Variants in LPAR3 observed in about 807,000 individuals in gnomAD.
LPAR3 encodes LPA receptor 3.
LPAR3 carries 7 observed loss-of-function variants against 17.8 expected under a neutral mutation model. The observed-to-expected ratio is 0.39, with a 90% CI of 0.22 to 0.74. LPAR3 has a LOEUF of 0.74. LPAR3 is among the 30% of genes least tolerant of loss of function. The pLI, the probability that LPAR3 is intolerant of heterozygous loss-of-function variation, is 0.40. For missense variants in LPAR3, 391 were observed against 453.4 expected (o/e 0.86, Z 1.25); for synonymous variants, 179 against 179.9 (o/e 0.99, Z 0.04).
At chr1:84,865,266 T>TCC (rs1660017454) in intron 2 of LPAR3, 119 bp downstream of exon 2, 1 of 1,138,414 alleles carries the variant, frequency 8.8e-7, no homozygotes, top group Non-Finnish European at 1.2e-6. Flanking sequence ...GCGATTTATG[T>TCC]CCGTTCTTGT....
chr1:84,862,099 G>T (rs907463409), intron 2 of LPAR3, among the ~76,000 whole-genome samples: 1 of 152,152 alleles, frequency 6.6e-6, no homozygotes, highest in Non-Finnish European at 1.5e-5. Context: ...AAGCAGGCGG[G>T]TAATTTCTCA....
chr1:84,832,931 T>C (rs1403784117), intron 2 of LPAR3, among the ~76,000 whole-genome samples: 4 of 152,218 alleles, frequency 2.6e-5, no homozygotes, highest in African/African-American at 9.6e-5. Context: ...ATTTTAGTAG[T>C]CAAATGAGAT....
chr1:84,877,666 C>T (rs1000682992), intron 1 of LPAR3, among the ~76,000 whole-genome samples: 1 of 152,170 alleles, frequency 6.6e-6, no homozygotes, highest in African/African-American at 2.4e-5. Context: ...ATACATGTTA[C>T]ATTGATGCTC....
At chr1:84,881,630 A>G (rs1234881727) in intron 1 of LPAR3, among the ~76,000 whole-genome samples, 2 of 152,184 alleles carry the variant, frequency 1.3e-5, no homozygotes, top group Non-Finnish European at 2.9e-5. Context: ...ACTACAGTCC[A>G]AGAAAGAATG....
At chr1:84,832,625 T>C (rs76217634) in intron 2 of LPAR3, among the ~76,000 whole-genome samples, 13 of 152,234 alleles carry the variant, frequency 8.5e-5, no homozygotes, top group African/African-American at 3.1e-4. Context: ...TGGCCAAATA[T>C]GTAACATATA....
At chr1:84,853,011 T>A (rs1659749102) in intron 2 of LPAR3, among the ~76,000 whole-genome samples, 2 of 151,576 alleles carry the variant, frequency 1.3e-5, no homozygotes, top group South Asian at 4.2e-4. Flanking sequence ...ATCCCAGTAC[T>A]TTGGGAGACT....
chr1:84,866,159 G>C (rs1236119572), intron 1 of LPAR3, 21 bp from the exon 2 acceptor site: 1 of 1,511,456 alleles, frequency 6.6e-7, no homozygotes, highest in Non-Finnish European at 8.9e-7. Flanking sequence ...ATTTAAAGAA[G>C]AAACAAATAT....
At chr1:84,816,811 G>C (rs1417734071) in intron 2 of LPAR3, among the ~76,000 whole-genome samples, 1 of 151,946 alleles carries the variant, frequency 6.6e-6, no homozygotes, top group African/African-American at 2.4e-5. Flanking sequence ...AAAGTAAAAA[G>C]CAAAAAAATA....
At chr1:84,851,189 A>C (rs4907008) in intron 2 of LPAR3, among the ~76,000 whole-genome samples, 79,299 of 152,098 alleles carry the variant, frequency 0.52, 20,764 homozygotes, top group South Asian at 0.54. Flanking sequence ...CTTTTTTCTC[A>C]ATAGAGTTGT....
At chr1:84,866,276 T>C (rs186711048) in intron 1 of LPAR3, 138 bp from the exon 2 acceptor site, 3 of 651,770 alleles carry the variant, frequency 4.6e-6, no homozygotes, top group Non-Finnish European at 8.1e-6. Flanking sequence ...TCAGTGCAAA[T>C]GTCCTTTGGT....
At chr1:84,887,553 GGGGAAACAAA>G (rs1279973485) in intron 1 of LPAR3, among the ~76,000 whole-genome samples, 1 of 152,084 alleles carries the variant, frequency 6.6e-6, no homozygotes, top group Non-Finnish European at 1.5e-5. Context: ...AAACACCTTT[GGGGAAACAAA>G]GGGAAACGAA....
chr1:84,876,656 C>G (rs189021366), intron 1 of LPAR3, among the ~76,000 whole-genome samples: 2 of 152,180 alleles, frequency 1.3e-5, no homozygotes, highest in Non-Finnish European at 2.9e-5. Context: ...CCCTCCCCGC[C>G]GCTCCGGTTA....
intron 2 of LPAR3, among the ~76,000 whole-genome samples, chr1:84,845,517 G>A (rs1659580665): frequency 6.6e-6 from 1 of 152,112 alleles, no homozygotes; most frequent in South Asian, 2.1e-4. Context: ...AACATGAAAG[G>A]GACTAGGATT....
rs145773544 is a variant in LPAR3 at position 84,865,896 on chromosome 1, G to A, written c.225C>T (p.Ala75=). Residue 75 remains alanine, a synonymous_variant, in exon 2 of 3, where the codon GCC becomes GCT. Transcript: ENST00000370611. ...CATAGGCAATTCCAGCGAAGAAATC[G>A]GCAGCAGCTAAATTAGCCAACAGGT... ...FYYLLANLAA[A]DFFAGIAYVF... is the part of the protein sequence containing the mutation. The A allele has an allele frequency of 6.4e-5, 103 of 1,614,106 alleles. No homozygotes were observed. The African/African-American group carries it at 1.1e-3, about 17-fold the overall frequency.
chr1:84,841,413 C>T (rs903539483), intron 2 of LPAR3, among the ~76,000 whole-genome samples: 1 of 152,186 alleles, frequency 6.6e-6, no homozygotes, highest in South Asian at 2.1e-4. Context: ...GGAGTTTGTC[C>T]TTTGGAGGAA....
chr1:84,818,048 T>C (rs1283020619), intron 2 of LPAR3, among the ~76,000 whole-genome samples: 1 of 152,178 alleles, frequency 6.6e-6, no homozygotes, highest in Non-Finnish European at 1.5e-5. Context: ...CTTCCACTGA[T>C]CGGCTGTGTG....
At position 84,811,798 on chromosome 1, in the gene LPAR3, C is replaced by CA. The variant is rs529319258; in HGVS notation, c.*2047dup. On this transcript the variant is annotated 3_prime_UTR_variant, in exon 3 of 3. Coordinates refer to ENST00000370611, the MANE Select transcript of LPAR3 (RefSeq NM_012152.3). ...GCACATAAATGTTATATCACAATAG[C>CA]AAAAAAATGTAAACTTCTTTTGCAA... 2.0e-5 allele frequency: 3 copies of CA among 151,902 alleles called. No homozygotes were observed. The highest frequency in any genetic ancestry group is 4.8e-5 in the African/African-American group (2 of 41,360). 9.4% of individuals were successfully genotyped at this position (151,902 alleles called of 1,614,324 possible). A position where few individuals can be genotyped will look rare whatever the true frequency, so the allele number is the denominator to read the frequency against.
intron 2 of LPAR3, among the ~76,000 whole-genome samples, chr1:84,832,422 T>C (rs142831093): frequency 6.6e-6 from 1 of 152,240 alleles, no homozygotes; most frequent in African/African-American, 2.4e-5. Context: ...ATAACTGTCA[T>C]AGGCAATAAA....
At chr1:84,818,239 G>C (rs1411702112) in intron 2 of LPAR3, among the ~76,000 whole-genome samples, 1 of 152,188 alleles carries the variant, frequency 6.6e-6, no homozygotes, top group African/African-American at 2.4e-5. Flanking sequence ...GGTTTTAATT[G>C]AATGAATTAT....
Sources: gnomAD v4.1 joint callset for allele counts (sites outside exome capture counted in the v4.1 genomes callset) on GRCh38, gnomAD v4.1.1 for gene constraint, MANE v1.5 for transcripts, NCBI Gene and HGNC (gene_info 2026-07-23, HGNC 2026-07-21) for gene names.